The following ITGB1BP2 variants were observed in gnomAD, a reference collection of about 807,000 sequenced individuals.
ITGB1BP2 encodes integrin subunit beta 1 binding protein 2, also known as integrin beta-1-binding protein 2.
ITGB1BP2 carries 27 observed loss-of-function variants against 32.2 expected under a neutral mutation model. That is an observed-to-expected ratio of 0.84 (90% CI 0.62 to 1.16). The LOEUF (loss-of-function observed/expected upper bound fraction) is 1.16. Among genes scored for constraint, ITGB1BP2 ranks in the 50% most tolerant of loss-of-function variants. The pLI is 0.00. For missense variants in ITGB1BP2, 250 were observed against 267.3 expected, an observed-to-expected ratio of 0.94 and a Z score of 0.45; for synonymous variants, 105 against 94.7, an observed-to-expected ratio of 1.11 and a Z score of -0.63.
chrX:71,302,618 T>C (rs1364278555), intron 4 of ITGB1BP2, 62 bp downstream of exon 4: 3 of 1,096,976 alleles, frequency 2.7e-6, no homozygotes, highest in Non-Finnish European at 3.6e-6. Flanking sequence ...GAGTGATTAA[T>C]GGGTCATTGA....
chrX:71,302,671 T>G, intron 4 of ITGB1BP2, 115 bp downstream of exon 4: 1 of 853,919 alleles, frequency 1.2e-6, no homozygotes, highest in Non-Finnish European at 1.6e-6. Flanking sequence ...GGGCCAGATG[T>G]CAGGGTTTGG....
In ITGB1BP2 at chrX:71,302,492, C is replaced by A. The variant is rs753273043; in HGVS notation, c.253C>A (p.Gln85Lys). The change falls in exon 4 of 11, where the codon CAG (glutamine) becomes AAG (lysine). Residue 85 changes from glutamine (Q) to lysine (K), a missense_variant. Gln to Lys is a moderately conservative substitution (Grantham distance 53). Transcript: ENST00000373829. ...PEGPATSSSLQEQKPLNVIPK... is the reference protein window; with the variant it reads ...PEGPATSSSLKEQKPLNVIPK... ...AGGCCCTGCTACAAGCAGTTCACTT[C>A]AGGAGCAAAAACCTCTGAATGTGAT... 1 of 1,211,165 alleles carries A rather than the reference C, an allele frequency of 8.3e-7. No homozygotes were observed. The highest frequency in any genetic ancestry group is 3.0e-5 in the East Asian group (1 of 33,830).
At position 71,303,883 on chromosome X, in the gene ITGB1BP2, G is replaced by A; in HGVS notation, c.611G>A (p.Arg204Lys). 1.7e-6 allele frequency: 2 copies of A among 1,208,415 alleles called. No homozygotes were observed. Among genetic ancestry groups the A allele is most frequent in the Non-Finnish European group, 2.2e-6 (2 of 893,759 alleles). ...FGAFLAQPGC[R>K]VGRHDWGKQL... ...GCATTCTTGGCACAACCAGGGTGCA[G>A]AGTCGGTAGACATGACTGGGGGAAG... The change falls in exon 8 of 11, where the codon AGA becomes AAA. Residue 204 changes from arginine to lysine, a missense_variant. Coordinates refer to ENST00000373829, the MANE Select transcript of ITGB1BP2 (RefSeq NM_012278.4).
chrX:71,304,740 C>G (rs1430032180), intron 10 of ITGB1BP2, 136 bp downstream of exon 10: 8 of 532,843 alleles, frequency 1.5e-5, no homozygotes, highest in Admixed American at 3.4e-5. Flanking sequence ...TTCATTTTCT[C>G]TCTCTCTCCT....
intron 10 of ITGB1BP2, 59 bp downstream of exon 10, chrX:71,304,663 C>A: frequency 2.0e-6 from 2 of 987,034 alleles, no homozygotes; most frequent in Non-Finnish European, 2.8e-6. Flanking sequence ...AGCGGCTAGA[C>A]TGGAATAGAG....
Position 71,305,218 on chromosome X carries a change from T to C in ITGB1BP2, c.*26T>C. On this transcript the variant is annotated 3_prime_UTR_variant, in exon 11 of 11. Transcript: ENST00000373829. ...TGACACCAGACAGTTGATGTCTAGATAGGACCTCAATGATTCCCTTAGAAT... is the reference window on the plus strand; with the variant it reads ...TGACACCAGACAGTTGATGTCTAGACAGGACCTCAATGATTCCCTTAGAAT... 1 of 1,105,228 alleles carries C rather than the reference T, an allele frequency of 9.0e-7. No individual in the cohort carries two copies. The highest frequency in any genetic ancestry group is 1.2e-6 in the Non-Finnish European group (1 of 811,001). 91.1% of individuals were successfully genotyped at this position (1,105,228 alleles called of 1,213,427 possible).
chrX:71,302,894 A>T (rs755093134), intron 4 of ITGB1BP2, among the ~76,000 whole-genome samples: 2 of 111,983 alleles, frequency 1.8e-5, no homozygotes, highest in East Asian at 5.6e-4. Flanking sequence ...CAAGAAAAGG[A>T]TGTATTGTAT....
At chrX:71,302,052 T>A in intron 1 of ITGB1BP2, 85 bp from the exon 2 acceptor site, 11 of 1,031,782 alleles carry the variant, frequency 1.1e-5, no homozygotes, top group African/African-American at 1.9e-5. Flanking sequence ...GAAGAAACCA[T>A]AAATAGAAAC....
At position 71,305,073 on chromosome X, in the gene ITGB1BP2, C is replaced by T; in HGVS notation, c.925C>T (p.Leu309=). The T allele has an allele frequency of 3.3e-6, 4 of 1,211,441 alleles. No individual in the cohort carries two copies. The South Asian group carries it at 7.0e-5, about 21-fold the overall frequency. ...GGCCCAGCTGGAGCACCCTGATGCA[C>T]TAGCTAAGAAGGCTAGGGCAGGGGT... is the stretch of plus-strand genomic sequence containing the variant. ...SWAQLEHPDA[L]AKKARAGVVL... is the part of the protein sequence containing the mutation. The change falls in exon 11 of 11, where the codon CTA becomes TTA. Residue 309 remains leucine (L), a synonymous_variant. Transcript: ENST00000373829.
In ITGB1BP2 at chrX:71,303,648, G is replaced by T; in HGVS notation, c.490G>T (p.Asp164Tyr). 8.3e-7 allele frequency: 1 copy of T among 1,211,149 alleles called. No individual in the cohort carries two copies. The change falls in exon 7 of 11, where the codon GAT becomes TAT. Residue 164 changes from aspartate (D) to tyrosine (Y), a missense_variant. Asp to Tyr is a radical substitution (Grantham distance 160). Transcript: ENST00000373829. Reference sequence around the variant, plus strand: ...TTAGGTTTACCAAGGCCCTGAGAGTGATGCTACTCCATGTACCTACCACCC... The same window carrying T: ...TTAGGTTTACCAAGGCCCTGAGAGTTATGCTACTCCATGTACCTACCACCC... ...CDAVYQGPES[D>Y]ATPCTYHPGA...
rs745484881 is a variant in ITGB1BP2, at chrX:71,302,417, A to G, written c.178A>G (p.Thr60Ala). The G allele has an allele frequency of 2.5e-6, 3 of 1,211,471 alleles. No individual in the cohort carries two copies. Among genetic ancestry groups the G allele is most frequent in the Non-Finnish European group, 3.4e-6 (3 of 895,360 alleles). Reference protein sequence around the residue: ...FSEFLNIKGCTMGPHCAEKLP... With the variant: ...FSEFLNIKGCAMGPHCAEKLP... ...ATCTCCTTATCTATACTAGGGCTGTACTATGGGACCACACTGTGCTGAGAA... is the reference window on the plus strand; with the variant it reads ...ATCTCCTTATCTATACTAGGGCTGTGCTATGGGACCACACTGTGCTGAGAA... Residue 60 changes from threonine to alanine, a missense_variant, in exon 4 of 11, where the codon ACT becomes GCT. Thr to Ala is a moderately conservative substitution (Grantham distance 58). Coordinates refer to ENST00000373829, the MANE Select transcript of ITGB1BP2 (RefSeq NM_012278.4).
At chrX:71,303,729 T>C in intron 7 of ITGB1BP2, 32 bp downstream of exon 7, 1 of 1,192,672 alleles carries the variant, frequency 8.4e-7, no homozygotes, top group Non-Finnish European at 1.1e-6. Flanking sequence ...GCTATGAGGC[T>C]ATGAGACAGG....
Position 71,301,845 on chromosome X carries a change from C to G in ITGB1BP2, c.39C>G (p.His13Gln). ...LLCRNKGCGQ[H>Q]FDPNTNLPDS... ...GTCGTAACAAAGGCTGTGGGCAGCA[C>G]TTTGACCCTAATACCAACCTTCCTG... Residue 13 changes from histidine (H) to glutamine (Q), a missense_variant, in exon 1 of 11, where the codon CAC becomes CAG. By Grantham distance (24) the His-to-Gln change is conservative. Coordinates refer to ENST00000373829, the MANE Select transcript of ITGB1BP2 (RefSeq NM_012278.4). 8.3e-7 allele frequency: 1 copy of G among 1,209,412 alleles called. No homozygotes were observed.
chrX:71,301,961 G>A, intron 1 of ITGB1BP2, 91 bp downstream of exon 1: 1 of 915,296 alleles, frequency 1.1e-6, no homozygotes, highest in South Asian at 2.1e-5. Flanking sequence ...AGCGGGGAAA[G>A]AAACTACCTG....
Position 71,301,858 on chromosome X carries a change from A to G in ITGB1BP2, c.52A>G (p.Thr18Ala), listed in dbSNP as rs756531151. The change falls in exon 1 of 11, where the codon ACC (threonine) becomes GCC (alanine). Residue 18 changes from threonine to alanine, a missense_variant. Physicochemically the swap from Thr to Ala is moderately conservative, Grantham distance 58. Transcript: ENST00000373829. ...KGCGQHFDPNTNLPDSCCHHP... is the reference protein window; with the variant it reads ...KGCGQHFDPNANLPDSCCHHP... ...CTGTGGGCAGCACTTTGACCCTAAT[A>G]CCAACCTTCCTGGTGAGTAAAGAAT... 2 of 1,205,240 alleles carry G rather than the reference A, an allele frequency of 1.7e-6. No homozygotes were observed. Among genetic ancestry groups the G allele is most frequent in the Non-Finnish European group, 2.2e-6 (2 of 890,300 alleles).
chrX:71,301,887 G>T lies in ITGB1BP2; in HGVS notation c.64+17G>T. ...ACCTTCCTGGTGAGTAAAGAATCCT[G>T]ACCTGGCCAGGGGCTCTGTGTGGGT... is the stretch of plus-strand genomic sequence containing the variant. On this transcript the variant is annotated intron_variant, in intron 1 of 10. Coordinates refer to ENST00000373829, the MANE Select transcript of ITGB1BP2 (RefSeq NM_012278.4). The T allele has an allele frequency of 8.5e-7, 1 of 1,180,470 alleles. No individual in the cohort carries two copies. Among genetic ancestry groups the T allele is most frequent in the East Asian group, 3.0e-5 (1 of 33,726 alleles).
chrX:71,304,973 C>G lies in ITGB1BP2; in HGVS notation c.825C>G (p.Asn275Lys), dbSNP rs141038462. 61 of 1,204,871 alleles carry G rather than the reference C, an allele frequency of 5.1e-5. No homozygotes were observed. The highest frequency in any genetic ancestry group is 6.7e-5 in the Non-Finnish European group (60 of 890,933). ...CCTTTGCTCCTCCTCAGGTCATAAA[C>G]GTGGAGCAGAGCTCTGTCTTCTTGA... ...QAQMKLWGVI[N>K]VEQSSVFLMP... The change falls in exon 11 of 11, where the codon AAC becomes AAG. Residue 275 changes from asparagine to lysine, a missense_variant. Transcript: ENST00000373829.
In ITGB1BP2 at chrX:71,304,567, G is replaced by T. The variant is rs377177496; in HGVS notation, c.779G>T (p.Gly260Val). ...TELHVHIVFDGNRVFQAQMKL... is the reference protein window; with the variant it reads ...TELHVHIVFDVNRVFQAQMKL... ...CTTCATGTCCACATTGTCTTTGATG[G>T]TAACCGTGTGTTCCAAGCACAGATG... is the stretch of plus-strand genomic sequence containing the variant. Residue 260 changes from glycine (G) to valine (V), a missense_variant, in exon 10 of 11, where the codon GGT becomes GTT. Transcript: ENST00000373829. 8.3e-7 allele frequency: 1 copy of T among 1,208,062 alleles called. No homozygotes were observed. The highest frequency in any genetic ancestry group is 1.1e-6 in the Non-Finnish European group (1 of 893,663).
rs369931249 is a variant in ITGB1BP2, at chrX:71,305,071, C to G, written c.923C>G (p.Ala308Gly). 17 of 1,209,431 alleles carry G rather than the reference C, an allele frequency of 1.4e-5. No individual in the cohort carries two copies. The African/African-American group carries it at 2.1e-4, about 15-fold the overall frequency. The change falls in exon 11 of 11, where the codon GCA becomes GGA. Residue 308 changes from alanine (A) to glycine (G), a missense_variant. Coordinates refer to ENST00000373829, the MANE Select transcript of ITGB1BP2 (RefSeq NM_012278.4). Reference protein sequence around the residue: ...GSWAQLEHPDALAKKARAGVV... With the variant: ...GSWAQLEHPDGLAKKARAGVV... ...TGGGCCCAGCTGGAGCACCCTGATG[C>G]ACTAGCTAAGAAGGCTAGGGCAGGG...
Sources: gnomAD v4.1 joint callset for allele counts (sites outside exome capture counted in the v4.1 genomes callset) on GRCh38, gnomAD v4.1.1 for gene constraint, MANE v1.5 for transcripts, NCBI Gene and HGNC (gene_info 2026-07-23, HGNC 2026-07-21) for gene names.